Variants in KLHL32 observed in about 807,000 individuals in gnomAD.
KLHL32 encodes the protein kelch like family member 32.
KLHL32 carries 35 observed loss-of-function variants against 64.8 expected under a neutral mutation model. The ratio of observed to expected loss-of-function variants is 0.54; its 90% CI spans 0.41 to 0.72. The LOEUF is 0.72. Ranked by LOEUF, KLHL32 falls within the 30% of genes least tolerant of loss-of-function variation. The pLI is 0.00. For missense variants in KLHL32, 589 were observed against 768.5 expected (o/e 0.77, Z 2.76); for synonymous variants, 259 against 281.0 (o/e 0.92, Z 0.78).
At chr6:96,950,982 A>G (rs375801712) in intron 1 of KLHL32, among the ~76,000 whole-genome samples, 19 of 152,326 alleles carry the variant, frequency 1.2e-4, no homozygotes, top group African/African-American at 4.3e-4. Context: ...TTGTAATACA[A>G]ATTACTCAGT....
intron 3 of KLHL32, among the ~76,000 whole-genome samples, chr6:97,022,666 C>CTTTTTTTTTTTTTTTTTTTTTG (rs1782169764): frequency 6.6e-6 from 1 of 151,684 alleles, no homozygotes; most frequent in Non-Finnish European, 1.5e-5. Context: ...GATGGGGTTT[C>CTTTTTTTTTTTTTTTTTTTTTG]ATCATGTTGG....
chr6:96,912,247 T>C, the KLHL32 span, among the ~76,000 whole-genome samples: 2 of 152,114 alleles, frequency 1.3e-5, no homozygotes, highest in Non-Finnish European at 1.5e-5. Flanking sequence ...GATTTCACCC[T>C]CCTCACTGGC....
rs150662735 is a variant in KLHL32, at chr6:97,041,689, G to A, written c.312+90G>A. The A allele has an allele frequency of 2.7e-5, 19 of 716,422 alleles. No homozygotes were observed. In the East Asian group the frequency reaches 4.7e-4, roughly 18 times the overall value. 44.4% of individuals were successfully genotyped at this position (716,422 alleles called of 1,614,324 possible). A position where few individuals can be genotyped will look rare whatever the true frequency, so the allele number is the denominator to read the frequency against. On this transcript the variant is annotated intron_variant, in intron 4 of 10. Transcript: ENST00000369261. ...CCTTGAGGTATGAGATTTAGTTATT[G>A]TTCTTGTTACTCATTTTGATGTTAA...
At chr6:97,030,574 A>G (rs1328751533) in intron 3 of KLHL32, among the ~76,000 whole-genome samples, 1 of 152,214 alleles carries the variant, frequency 6.6e-6, no homozygotes, top group Non-Finnish European at 1.5e-5. Flanking sequence ...TCTCCCAAAG[A>G]CAAAATCTTG....
chr6:97,043,698 T>C lies in KLHL32; in HGVS notation c.312+2099T>C, dbSNP rs533818605. Reference sequence around the variant, plus strand: ...CCCACTAACAGTGCACAAAGGTTTTTCTCCACACCCTCATCAATACTTGTT... The same window carrying C: ...CCCACTAACAGTGCACAAAGGTTTTCCTCCACACCCTCATCAATACTTGTT... On this transcript the variant is annotated intron_variant, in intron 4 of 10. Coordinates refer to ENST00000369261, the MANE Select transcript of KLHL32 (RefSeq NM_052904.4). Among the ~76,000 whole-genome samples the C allele has an allele frequency of 2.0e-5, 3 of 152,186 alleles. No individual in the cohort carries two copies. In the East Asian group the frequency reaches 5.8e-4, roughly 29 times the overall value.
intron 1 of KLHL32, among the ~76,000 whole-genome samples, chr6:96,960,898 A>G (rs570073384): frequency 6.6e-6 from 1 of 152,336 alleles, no homozygotes; most frequent in South Asian, 2.1e-4. Flanking sequence ...TAGAATCAAC[A>G]GAAAGGAATG....
intron 3 of KLHL32, among the ~76,000 whole-genome samples, chr6:97,027,435 ACTT>A (rs1211501097): frequency 2.0e-5 from 3 of 152,192 alleles, no homozygotes; most frequent in African/African-American, 7.2e-5. Context: ...CTTGTTAAAA[ACTT>A]CTACTTTTTG....
chr6:97,064,337 G>T (rs1029595311), intron 4 of KLHL32, among the ~76,000 whole-genome samples: 1 of 152,078 alleles, frequency 6.6e-6, no homozygotes, highest in African/African-American at 2.4e-5. Flanking sequence ...GTTTTTCTTT[G>T]AAAATGTTTA....
chr6:97,086,778 C>T (rs917151433), intron 6 of KLHL32, among the ~76,000 whole-genome samples: 18 of 152,196 alleles, frequency 1.2e-4, no homozygotes, highest in African/African-American at 3.9e-4. Context: ...ATCTCTGGCT[C>T]TCTCTTATAA....
At chr6:97,108,109 G>A (rs1024730690) in intron 6 of KLHL32, among the ~76,000 whole-genome samples, 8 of 152,120 alleles carry the variant, frequency 5.3e-5, no homozygotes, top group African/African-American at 1.4e-4. Flanking sequence ...TTACCTAATG[G>A]CCATGTTTCC....
At chr6:97,050,198 T>C (rs1286979255) in intron 4 of KLHL32, among the ~76,000 whole-genome samples, 2 of 152,228 alleles carry the variant, frequency 1.3e-5, no homozygotes, top group African/African-American at 4.8e-5. Context: ...GAAAAATGTA[T>C]TCCTGTTTTC....
rs537663164 is a variant in KLHL32, at chr6:97,087,690, A to AAC, written c.627+2360_627+2361dup. 3.1e-3 allele frequency among the ~76,000 whole-genome samples: 478 copies of AAC among 152,278 alleles called. 2 individuals are homozygous for AAC. Among genetic ancestry groups the AAC allele is most frequent in the African/African-American group, 0.011 (465 of 41,532 alleles). ...CAGTAACTTAGATGAGAGCATGGTA[A>AAC]ACACACACACACTTACGCAGGTGGC... On this transcript the variant is annotated intron_variant, in intron 6 of 10. Transcript: ENST00000369261.
chr6:96,954,406 A>T (rs968914593), intron 1 of KLHL32, among the ~76,000 whole-genome samples: 1 of 151,526 alleles, frequency 6.6e-6, no homozygotes, highest in Non-Finnish European at 1.5e-5. Context: ...AGAGAAAAAA[A>T]ACTGGCTGGA....
chr6:97,097,549 T>A (rs767894746), intron 6 of KLHL32, among the ~76,000 whole-genome samples: 5 of 152,200 alleles, frequency 3.3e-5, no homozygotes, highest in Non-Finnish European at 7.3e-5. Flanking sequence ...GGAAATCACA[T>A]TTTATTTTTT....
chr6:97,019,819 C>T (rs1025064235), intron 3 of KLHL32, among the ~76,000 whole-genome samples: 5 of 152,054 alleles, frequency 3.3e-5, no homozygotes, highest in Admixed American at 1.3e-4. Flanking sequence ...CTCCCTCTGT[C>T]GCCAGGCTGG....
At chr6:97,138,929 T>TACTA (rs1441024372) in intron 10 of KLHL32, among the ~76,000 whole-genome samples, 192 bp from the exon 11 acceptor site, 1 of 152,224 alleles carries the variant, frequency 6.6e-6, no homozygotes, top group African/African-American at 2.4e-5. Flanking sequence ...TCCAAAAACA[T>TACTA]ACTAACATAG....
In KLHL32 at chr6:97,059,655, G is replaced by A. The variant is rs115519200; in HGVS notation, c.313-4973G>A. On this transcript the variant is annotated intron_variant, in intron 4 of 10. Transcript: ENST00000369261. ...TCCTTTAAATGGCTGCCACCTTGTG[G>A]ATAAAAAGTCCTTAGTGCAGTGGTT... Among the ~76,000 whole-genome samples the A allele has an allele frequency of 6.1e-3, 931 of 152,256 alleles. 11 individuals carry two copies. The highest frequency in any genetic ancestry group is 0.022 in the African/African-American group (904 of 41,528).
Position 96,924,907 on chromosome 6 carries a change from C to T in KLHL32, c.-185C>T, listed in dbSNP as rs910915268. 4 of 152,380 alleles carry T rather than the reference C, an allele frequency of 2.6e-5. No individual in the cohort carries two copies. The highest frequency in any genetic ancestry group is 2.1e-4 in the South Asian group (1 of 4,836). 9.4% of individuals were successfully genotyped at this position (152,380 alleles called of 1,614,324 possible). On this transcript the variant is annotated 5_prime_UTR_variant, in exon 1 of 11. Coordinates refer to ENST00000369261, the MANE Select transcript of KLHL32 (RefSeq NM_052904.4). ...TCCCCGAACCAGCAGAGCGAAGCTA[C>T]TGCGGGTTCTGTTAACCTCAGCATC...
chr6:97,021,164 T>C (rs1781935537), intron 3 of KLHL32, among the ~76,000 whole-genome samples: 1 of 150,750 alleles, frequency 6.6e-6, no homozygotes, highest in Non-Finnish European at 1.5e-5. Flanking sequence ...GCCAATAGTG[T>C]TGGGTTTTTT....
Sources: allele counts gnomAD v4.1 joint callset (sites outside exome capture counted in the v4.1 genomes callset), GRCh38; gene constraint gnomAD v4.1.1; transcripts MANE v1.5; gene names NCBI Gene and HGNC (gene_info 2026-07-23, HGNC 2026-07-21).